The following DPP6 variants were observed in gnomAD, a reference collection of about 807,000 sequenced individuals.
DPP6 encodes A-type potassium channel modulatory protein DPP6.
In DPP6, 69 loss-of-function variants were observed where a neutral mutation model predicts 122.6. The ratio of observed to expected loss-of-function variants is 0.56; its 90% CI spans 0.46 to 0.69. The LOEUF is 0.69. Among genes scored for constraint, DPP6 ranks in the 30% least tolerant of loss-of-function variants. DPP6 has a pLI of 0.00. For missense variants in DPP6, 928 were observed against 1,116.9 expected, an observed-to-expected ratio of 0.83 and a Z score of 2.41; for synonymous variants, 418 against 433.1, an observed-to-expected ratio of 0.97 and a Z score of 0.43.
At chr7:153,792,453 G>A in the DPP6 span, among the ~76,000 whole-genome samples, 2 of 152,086 alleles carry the variant, frequency 1.3e-5, no homozygotes, top group Non-Finnish European at 2.9e-5. Flanking sequence ...AAGTGCTTAG[G>A]GAAATTCACC....
intron 8 of DPP6, among the ~76,000 whole-genome samples, chr7:154,748,862 C>T (rs1843166542): frequency 6.6e-6 from 1 of 152,202 alleles, no homozygotes; most frequent in African/African-American, 2.4e-5. Context: ...AGGGTGGAGG[C>T]CCAGTACCGC....
intron 7 of DPP6, among the ~76,000 whole-genome samples, chr7:154,677,914 G>A (rs62475192): frequency 0.19 from 28,766 of 152,138 alleles, 2,936 homozygotes; most frequent in South Asian, 0.27. Flanking sequence ...GGTGGGGTGC[G>A]GACTTGGAGA....
chr7:154,881,378 G>C (rs1448891482), intron 21 of DPP6, among the ~76,000 whole-genome samples: 3 of 152,212 alleles, frequency 2.0e-5, no homozygotes, highest in Non-Finnish European at 4.4e-5. Flanking sequence ...TCTCAAACCA[G>C]AGCCGCTCCC....
intron 1 of DPP6, among the ~76,000 whole-genome samples, chr7:154,433,145 T>TTTG (rs1250191844): frequency 1.6e-5 from 2 of 127,732 alleles, no homozygotes; most frequent in Non-Finnish European, 3.3e-5. Context: ...AGTTTTTTTT[T>TTTG]TTTTTTTTTT....
intron 1 of DPP6, among the ~76,000 whole-genome samples, chr7:153,927,502 G>A (rs1800955919): frequency 6.6e-6 from 1 of 152,116 alleles, no homozygotes; most frequent in Admixed American, 6.6e-5. Flanking sequence ...TGTCATAAAT[G>A]AAACCATGGC....
intron 1 of DPP6, among the ~76,000 whole-genome samples, chr7:154,101,763 A>G (rs1805742196): frequency 6.6e-6 from 1 of 151,386 alleles, no homozygotes; most frequent in African/African-American, 2.4e-5. Flanking sequence ...CCCCATCTCT[A>G]CCAAAAATAC....
In DPP6 at chr7:154,483,136, G is replaced by A. The variant is rs764354866; in HGVS notation, c.457+8099G>A. The stretch of plus-strand genomic sequence containing the variant: ...ACACGGAGGTGTCTGAGGAAGTGTG[G>A]TCAGGGAGGCAGGAGGAGAACTTCT... On this transcript the variant is annotated intron_variant, in intron 3 of 25. Coordinates refer to ENST00000377770, the MANE Select transcript of DPP6 (RefSeq NM_130797.4). This position sits in a 1 kb window ranked among gnomAD's most constrained non-coding sequence, Gnocchi z 8.1. Among the ~76,000 whole-genome samples, 1 of 152,144 alleles carries A rather than the reference G, an allele frequency of 6.6e-6. No homozygotes were observed. Among genetic ancestry groups the A allele is most frequent in the Non-Finnish European group, 1.5e-5 (1 of 68,032 alleles).
At chr7:153,765,555 A>AAC in the DPP6 span, among the ~76,000 whole-genome samples, 5 of 151,586 alleles carry the variant, frequency 3.3e-5, no homozygotes. Flanking sequence ...AAAACAAAAA[A>AAC]AAAAAACAGA....
intron 1 of DPP6, among the ~76,000 whole-genome samples, chr7:154,118,621 G>T (rs1390516841): frequency 6.7e-6 from 1 of 150,302 alleles, no homozygotes; most frequent in Non-Finnish European, 1.5e-5. Context: ...ACCAGGGCCA[G>T]TGGCAGCCAG....
chr7:154,429,366 G>A (rs866276443), intron 1 of DPP6, among the ~76,000 whole-genome samples: 3 of 152,094 alleles, frequency 2.0e-5, no homozygotes, highest in African/African-American at 4.8e-5. Flanking sequence ...CCCAACCCAC[G>A]TCTGCCAAGT....
chr7:154,414,590 C>A (rs1415517946), intron 1 of DPP6, among the ~76,000 whole-genome samples: 1 of 152,198 alleles, frequency 6.6e-6, no homozygotes, highest in Non-Finnish European at 1.5e-5. Context: ...ATACCCCAAG[C>A]CTTACTCAGT....
chr7:153,945,558 A>G (rs1310551808), intron 1 of DPP6, among the ~76,000 whole-genome samples: 2 of 152,200 alleles, frequency 1.3e-5, no homozygotes, highest in Non-Finnish European at 2.9e-5. Context: ...CACCTCGTAT[A>G]AGAATAAGAG....
chr7:153,915,943 TTTTATTTATTTATTTATTTA>T (rs141267507), intron 1 of DPP6, among the ~76,000 whole-genome samples: 1 of 146,972 alleles, frequency 6.8e-6, no homozygotes, highest in Non-Finnish European at 1.5e-5. Context: ...CTCCTCTGAT[TTTTATTTATTTATTTATTTA>T]TTTATTTATT....
At chr7:154,357,569 G>A (rs1811374567) in intron 1 of DPP6, among the ~76,000 whole-genome samples, 1 of 152,140 alleles carries the variant, frequency 6.6e-6, no homozygotes, top group Non-Finnish European at 1.5e-5. Flanking sequence ...TGGACTATTC[G>A]ATTTTCATTA....
At chr7:154,288,846 T>C (rs1805020698) in intron 1 of DPP6, among the ~76,000 whole-genome samples, 2 of 152,370 alleles carry the variant, frequency 1.3e-5, no homozygotes, top group South Asian at 4.1e-4. Flanking sequence ...TAAAGAGATC[T>C]AGTTCCATGT....
chr7:154,272,412 C>T (rs190747716), intron 1 of DPP6, among the ~76,000 whole-genome samples: 10 of 152,210 alleles, frequency 6.6e-5, no homozygotes, highest in East Asian at 5.8e-4. Flanking sequence ...AAAGACAATC[C>T]GAGGGGAAGC....
chr7:154,881,101 G>C, intron 21 of DPP6, 159 bp downstream of exon 21: 1 of 1,203,148 alleles, frequency 8.3e-7, no homozygotes, highest in Non-Finnish European at 1.1e-6. Flanking sequence ...TTCCAGCCGT[G>C]GGAGGTTTCA....
At position 154,879,556 on chromosome 7, in the gene DPP6, A is replaced by C. The variant is rs1407926780; in HGVS notation, c.2079-1332A>C. ...CAGTGAGCCGAGATTGTGCCACTGC[A>C]CTCCAGCCTGGGCGACAGCGAGACT... On this transcript the variant is annotated intron_variant, in intron 20 of 25. Coordinates refer to ENST00000377770, the MANE Select transcript of DPP6 (RefSeq NM_130797.4). 3.4e-5 allele frequency among the ~76,000 whole-genome samples: 3 copies of C among 86,970 alleles called. 1 individual carries two copies. Among genetic ancestry groups the C allele is most frequent in the Non-Finnish European group, 5.9e-5 (3 of 50,436 alleles). The allele number at this position is 86,970 out of a possible 152,430, so 57.1% of individuals were successfully genotyped here.
chr7:154,180,434 T>A (rs1197990072), intron 1 of DPP6, among the ~76,000 whole-genome samples: 1 of 145,458 alleles, frequency 6.9e-6, no homozygotes, highest in Admixed American at 7.0e-5. Context: ...ATATATAATA[T>A]ATATACACAT....
Sources: gnomAD v4.1 joint callset for allele counts (sites outside exome capture counted in the v4.1 genomes callset) on GRCh38, gnomAD v4.1.1 for gene constraint, Gnocchi (gnomAD v3.1) non-coding constraint, MANE v1.5 for transcripts, NCBI Gene and HGNC (gene_info 2026-07-23, HGNC 2026-07-21) for gene names.